Variants in XKR9 observed in about 807,000 individuals in gnomAD.
XKR9 encodes the protein XK related 9.
XKR9 carries 32 observed loss-of-function variants against 32.0 expected under a neutral mutation model. That is an observed-to-expected ratio of 1.00 (90% CI 0.76 to 1.34). The LOEUF (loss-of-function observed/expected upper bound fraction) is 1.34, where lower values mean the gene tolerates loss of function less well. XKR9 is among the 40% of genes most tolerant of loss of function. The probability of loss-of-function intolerance (pLI) is 0.00; values close to 1 mark genes in which losing one functional copy is unlikely to be tolerated. For missense variants in XKR9, 546 were observed against 429.7 expected (o/e 1.27, Z -2.39); for synonymous variants, 168 against 143.4 (o/e 1.17, Z -1.22).
At chr8:70,698,523 A>C (rs1805380279) in intron 3 of XKR9, among the ~76,000 whole-genome samples, 1 of 152,060 alleles carries the variant, frequency 6.6e-6, no homozygotes, top group African/African-American at 2.4e-5. Context: ...CCTGAGTTCT[A>C]GTTTGATTGC....
intron 3 of XKR9, among the ~76,000 whole-genome samples, chr8:70,692,567 G>T (rs1805117420): frequency 6.9e-6 from 1 of 145,980 alleles, no homozygotes; most frequent in Non-Finnish European, 1.5e-5. Flanking sequence ...GTCATAGATG[G>T]CTCTTATTAT....
At chr8:70,681,997 T>C (rs936969023) in intron 3 of XKR9, among the ~76,000 whole-genome samples, 7 of 152,178 alleles carry the variant, frequency 4.6e-5, no homozygotes, top group Admixed American at 6.6e-5. Flanking sequence ...TTAATGGGAA[T>C]AACGCCATTG....
chr8:70,736,387 G>C (rs539113877), downstream of XKR9, among the ~76,000 whole-genome samples: 1 of 151,994 alleles, frequency 6.6e-6, no homozygotes, highest in African/African-American at 2.4e-5. Flanking sequence ...AGATGAGTAG[G>C]TTGCGAACAT....
At chr8:70,879,301 AAGAGC>A in the XKR9 span, among the ~76,000 whole-genome samples, 2 of 152,192 alleles carry the variant, frequency 1.3e-5, no homozygotes, top group South Asian at 2.1e-4. Flanking sequence ...AGAAATAACT[AAGAGC>A]AGAGCAGAAC....
At chr8:70,864,860 A>T in the XKR9 span, among the ~76,000 whole-genome samples, 10 of 152,114 alleles carry the variant, frequency 6.6e-5, no homozygotes, top group Admixed American at 6.5e-4. Context: ...ACCTTTTCAG[A>T]TCTTAAAGTT....
chr8:70,910,698 G>A, the XKR9 span, among the ~76,000 whole-genome samples: 1 of 152,172 alleles, frequency 6.6e-6, no homozygotes, highest in African/African-American at 2.4e-5. Flanking sequence ...TTATCTCACT[G>A]TTCTACAAGT....
downstream of XKR9, among the ~76,000 whole-genome samples, chr8:70,736,951 G>T (rs1237024113): frequency 3.3e-5 from 5 of 152,264 alleles, no homozygotes; most frequent in African/African-American, 1.2e-4. Context: ...GGCGATGCGG[G>T]CTCTTTTTTG....
In XKR9 at chr8:70,713,915, A is replaced by G. The variant is rs530729925; in HGVS notation, c.493+6762A>G. ...ATACTACAGACTGAGTAGCTTAAACAGTAGAACTTTATTTTCTCACAGTTC... is the reference window on the plus strand; with the variant it reads ...ATACTACAGACTGAGTAGCTTAAACGGTAGAACTTTATTTTCTCACAGTTC... On this transcript the variant is annotated intron_variant, in intron 4 of 4. Coordinates refer to ENST00000408926, the MANE Select transcript of XKR9 (RefSeq NM_001011720.2). Among the ~76,000 whole-genome samples, 66 of 152,186 alleles carry G rather than the reference A, an allele frequency of 4.3e-4. 2 individuals are homozygous for G. Among genetic ancestry groups the G allele is most frequent in the Non-Finnish European group, 6.5e-4 (44 of 68,018 alleles).
At position 70,669,642 on chromosome 8, in the gene XKR9, T is replaced by TGTGTGTGTGTGTGTGTGTG. The variant is rs1563411694; in HGVS notation, c.-361+104_-361+105insGTGTGTGTGTGTGTGTGTG. The stretch of plus-strand genomic sequence containing the variant: ...TGTGTGTGTGTGTGTGTGTGTGTAG[T>TGTGTGTGTGTGTGTGTGTG]AGTAGTAGTAGTAGCCTGTTCATTT... On this transcript the variant is annotated intron_variant, in intron 1 of 4. Coordinates refer to ENST00000408926, the MANE Select transcript of XKR9 (RefSeq NM_001011720.2). 241 of 125,198 alleles carry TGTGTGTGTGTGTGTGTGTG rather than the reference T, an allele frequency of 1.9e-3. 1 individual carries two copies. Among genetic ancestry groups the TGTGTGTGTGTGTGTGTGTG allele is most frequent in the Non-Finnish European group, 2.6e-3 (159 of 60,220 alleles). 7.8% of individuals were successfully genotyped at this position (125,198 alleles called of 1,614,324 possible).
the XKR9 span, among the ~76,000 whole-genome samples, chr8:71,019,777 C>T: frequency 6.6e-6 from 1 of 152,078 alleles, no homozygotes; most frequent in Non-Finnish European, 1.5e-5. Context: ...AAGGTGAAAG[C>T]AGAAAAGGGC....
chr8:70,710,213 G>A (rs1805865344), intron 4 of XKR9, among the ~76,000 whole-genome samples: 1 of 152,090 alleles, frequency 6.6e-6, no homozygotes, highest in African/African-American at 2.4e-5. Context: ...TTCAATAAAT[G>A]GTACTGGGAA....
the XKR9 span, among the ~76,000 whole-genome samples, chr8:70,860,271 T>G: frequency 1.2e-4 from 19 of 152,040 alleles, no homozygotes; most frequent in Admixed American, 1.2e-3. Flanking sequence ...GGAGCCCTCA[T>G]GAATGGAATT....
At chr8:70,969,553 T>A in the XKR9 span, among the ~76,000 whole-genome samples, 2 of 152,150 alleles carry the variant, frequency 1.3e-5, no homozygotes, top group Non-Finnish European at 2.9e-5. Flanking sequence ...AGGCTGAGGA[T>A]CATGGATTCA....
the XKR9 span, among the ~76,000 whole-genome samples, chr8:70,892,320 T>A: frequency 6.6e-6 from 1 of 152,126 alleles, no homozygotes; most frequent in African/African-American, 2.4e-5. Context: ...GTTTTACATA[T>A]ATTTTGTTCT....
At chr8:70,862,930 C>T in the XKR9 span, among the ~76,000 whole-genome samples, 1 of 152,122 alleles carries the variant, frequency 6.6e-6, no homozygotes, top group East Asian at 1.9e-4. Flanking sequence ...ATCTGGAGGA[C>T]ACGCAGGAGA....
At chr8:70,757,760 T>C (rs1586886150) in intron 2 of XKR9, among the ~76,000 whole-genome samples, 1 of 152,268 alleles carries the variant, frequency 6.6e-6, no homozygotes, top group South Asian at 2.1e-4. Context: ...CTAATTTTTG[T>C]ATTTTTAGTA....
the XKR9 span, among the ~76,000 whole-genome samples, chr8:70,819,330 G>A: frequency 6.6e-6 from 1 of 152,176 alleles, no homozygotes; most frequent in African/African-American, 2.4e-5. Flanking sequence ...AAAAGATTTA[G>A]TGATATTTTA....
At chr8:70,853,890 G>C in the XKR9 span, among the ~76,000 whole-genome samples, 1 of 152,128 alleles carries the variant, frequency 6.6e-6, no homozygotes, top group African/African-American at 2.4e-5. Context: ...GTATTCCATG[G>C]TGTATATGTG....
At chr8:70,898,514 A>G in the XKR9 span, among the ~76,000 whole-genome samples, 2 of 152,114 alleles carry the variant, frequency 1.3e-5, no homozygotes, top group Non-Finnish European at 2.9e-5. Context: ...ACTTTGCTAT[A>G]TTGTACTGTC....
Sources: gnomAD v4.1 joint callset for allele counts (sites outside exome capture counted in the v4.1 genomes callset) on GRCh38, gnomAD v4.1.1 for gene constraint, MANE v1.5 for transcripts, NCBI Gene and HGNC (gene_info 2026-07-23, HGNC 2026-07-21) for gene names.